Variants in PTCH2 observed in about 807,000 individuals in gnomAD.
The protein encoded by PTCH2 is patched 2.
In PTCH2, 96 loss-of-function variants were observed where a neutral mutation model predicts 117.9. That is an observed-to-expected ratio of 0.81 (90% CI 0.69 to 0.96). PTCH2 has a LOEUF of 0.96. PTCH2 is among the 50% of genes least tolerant of loss of function. PTCH2 has a pLI of 0.00. For missense variants in PTCH2, 1,379 were observed against 1,562.5 expected (o/e 0.88, Z 1.98); for synonymous variants, 615 against 660.9 (o/e 0.93, Z 1.06).
intron 2 of PTCH2, among the ~76,000 whole-genome samples, chr1:44,839,209 C>T (rs1653823962): frequency 6.6e-6 from 1 of 151,902 alleles, no homozygotes; most frequent in South Asian, 2.1e-4. Context: ...CCTGTTTCTA[C>T]TAAAAATACA....
At chr1:44,834,323 C>G (rs1653590558) in intron 2 of PTCH2, among the ~76,000 whole-genome samples, 1 of 152,012 alleles carries the variant, frequency 6.6e-6, no homozygotes, top group South Asian at 2.1e-4. Flanking sequence ...GGGTTTCACC[C>G]TGTTCGCCAG....
rs111283762 is a variant in PTCH2, at chr1:44,832,161, A to T, written c.446T>A (p.Leu149His). The T allele has an allele frequency of 1.1e-5, 18 of 1,614,004 alleles. No homozygotes were observed. In the African/African-American group the frequency reaches 2.3e-4, roughly 20 times the overall value. ...GCTCAGCCAGACTCACTTCCCATAG[A>T]GTGATACTTGGACTTTACTGGCAGT... ...ALTASKVQVSLYGKSWDLNKI... is the reference protein window; with the variant it reads ...ALTASKVQVSHYGKSWDLNKI... The change falls in exon 3 of 22, where the codon CTC becomes CAC. Residue 149 changes from leucine (L) to histidine (H), a missense_variant. By Grantham distance (99) the Leu-to-His change is moderately conservative (BLOSUM62 -3). Coordinates refer to ENST00000372192, the MANE Select transcript of PTCH2 (RefSeq NM_003738.5).
downstream of PTCH2, among the ~76,000 whole-genome samples, chr1:44,821,222 C>T (rs996086259): frequency 4.6e-5 from 7 of 152,260 alleles, no homozygotes; most frequent in Non-Finnish European, 8.8e-5. Flanking sequence ...GCTCTGTGCT[C>T]TATTCCAGGG....
rs561823980 is a variant in PTCH2 at position 44,829,681 on chromosome 1, T to C, written c.1016A>G (p.His339Arg). 1.8e-5 allele frequency: 29 copies of C among 1,614,200 alleles called. No homozygotes were observed. The East Asian group carries it at 4.5e-4, about 25-fold the overall frequency. The change falls in exon 8 of 22, where the codon CAT becomes CGT. Residue 339 changes from histidine to arginine, a missense_variant. His to Arg is a conservative substitution (Grantham distance 29). Coordinates refer to ENST00000372192, the MANE Select transcript of PTCH2 (RefSeq NM_003738.5). The stretch of plus-strand genomic sequence containing the variant: ...CTGCTCCTCACTCCAGCCAATGTCA[T>C]GTGTCTGATAGTCACCCCGGAAATG... ...YEHFRGDYQT[H>R]DIGWSEEQAS...
Position 44,843,237 on chromosome 1 carries a change from C to T in PTCH2, c.-305G>A, listed in dbSNP as rs890619824. ...TGCTGGCCCGAGACGCACAGCAGGG[C>T]TCGAGGTGGCAACTGCAGTCCCCGG... On this transcript the variant is annotated 5_prime_UTR_variant, in exon 1 of 22. Coordinates refer to ENST00000372192, the MANE Select transcript of PTCH2 (RefSeq NM_003738.5). The T allele has an allele frequency of 1.0e-6, 1 of 985,296 alleles. No homozygotes were observed. The highest frequency in any genetic ancestry group is 1.2e-6 in the Non-Finnish European group (1 of 829,930). The allele number at this position is 985,296 out of a possible 1,614,324, so 61.0% of individuals were successfully genotyped here.
intron 19 of PTCH2, among the ~76,000 whole-genome samples, chr1:44,825,844 C>CTTTT (rs35549385): frequency 2.5e-5 from 3 of 118,410 alleles, no homozygotes; most frequent in African/African-American, 9.7e-5. Flanking sequence ...AGCCCAAATT[C>CTTTT]TTTTTTTTTT....
Position 44,835,335 on chromosome 1 carries a change from G to T in PTCH2, c.266-2994C>A, listed in dbSNP as rs796975792. On this transcript the variant is annotated intron_variant, in intron 2 of 21. Transcript: ENST00000372192. ...GCCTCTGAAAGTGCTGGGATTACAG[G>T]CATGAGTCACTGTGCTCGGCCAAAC... 1.1e-4 allele frequency among the ~76,000 whole-genome samples: 17 copies of T among 152,318 alleles called. 1 individual carries two copies. The highest frequency in any genetic ancestry group is 4.1e-4 in the African/African-American group (17 of 41,574).
At chr1:44,833,309 A>G (rs1653539898) in intron 2 of PTCH2, among the ~76,000 whole-genome samples, 1 of 151,874 alleles carries the variant, frequency 6.6e-6, no homozygotes. Context: ...CTGATCTCAG[A>G]CCCTGCGCTG....
chr1:44,823,985 G>C lies in PTCH2; in HGVS notation c.3115-600C>G, dbSNP rs1428176202. ...ACAAACATAGGTTGGGCAAACTACA[G>C]CCTGTCACTTGTTTTGTAAATGAAA... On this transcript the variant is annotated intron_variant, in intron 19 of 21. Transcript: ENST00000372192. The surrounding 1 kb of genome is among the most constrained non-coding windows in gnomAD (Gnocchi z 5.1). 6.6e-6 allele frequency among the ~76,000 whole-genome samples: 1 copy of C among 152,184 alleles called. No homozygotes were observed. The highest frequency in any genetic ancestry group is 1.5e-5 in the Non-Finnish European group (1 of 68,050).
In PTCH2 at chr1:44,822,594, C is replaced by G; in HGVS notation, c.3433G>C (p.Ala1145Pro). 1.2e-6 allele frequency: 2 copies of G among 1,613,922 alleles called. No individual in the cohort carries two copies. The highest frequency in any genetic ancestry group is 1.7e-6 in the Non-Finnish European group (2 of 1,179,906). ...AAGCTCTGGGGCAGGGAGGAGGATGCCCCCCACCTAAGCCCGCCTCCCTGT... is the reference window on the plus strand; with the variant it reads ...AAGCTCTGGGGCAGGGAGGAGGATGGCCCCCACCTAAGCCCGCCTCCCTGT... ...APQGGGLRWG[A>P]SSSLPQSFAR... The change falls in exon 22 of 22, where the codon GCA (alanine) becomes CCA (proline). Residue 1145 changes from alanine (A) to proline (P), a missense_variant. Coordinates refer to ENST00000372192, the MANE Select transcript of PTCH2 (RefSeq NM_003738.5).
At chr1:44,837,921 A>AT (rs1019830908) in intron 2 of PTCH2, among the ~76,000 whole-genome samples, 4 of 151,978 alleles carry the variant, frequency 2.6e-5, no homozygotes, top group African/African-American at 9.7e-5. Flanking sequence ...TACTAAAAAA[A>AT]ATACAAAAAA....
intron 1 of PTCH2, among the ~76,000 whole-genome samples, chr1:44,842,348 C>T (rs961789222): frequency 7.0e-6 from 1 of 143,666 alleles, no homozygotes; most frequent in African/African-American, 2.6e-5. Flanking sequence ...GGTGTGATCT[C>T]GGCTGACTGC....
rs1004014329 is a variant in PTCH2 at position 44,825,115 on chromosome 1, T to C, written c.3114+1135A>G. Among the ~76,000 whole-genome samples, 3 of 152,274 alleles carry C rather than the reference T, an allele frequency of 2.0e-5. No homozygotes were observed. The South Asian group carries it at 6.2e-4, about 32-fold the overall frequency. ...ATGGCTGCTTATTTATTTGTCTACT[T>C]ATTTACTGTCTATCTCTCTCTTCTT... On this transcript the variant is annotated intron_variant, in intron 19 of 21. Coordinates refer to ENST00000372192, the MANE Select transcript of PTCH2 (RefSeq NM_003738.5).
chr1:44,837,844 C>G (rs1373833293), intron 2 of PTCH2, among the ~76,000 whole-genome samples: 3 of 151,396 alleles, frequency 2.0e-5, no homozygotes, highest in Admixed American at 1.3e-4. Flanking sequence ...TTTGGGAGGC[C>G]GAGGCGGGCG....
Position 44,822,029 on chromosome 1 carries a change from A to G in PTCH2, c.*386T>C, listed in dbSNP as rs1652930521. 2.3e-6 allele frequency: 3 copies of G among 1,317,392 alleles called. No individual in the cohort carries two copies. The East Asian group carries it at 1.3e-4, about 56-fold the overall frequency. 81.6% of individuals were successfully genotyped at this position (1,317,392 alleles called of 1,614,324 possible). On this transcript the variant is annotated 3_prime_UTR_variant, in exon 22 of 22. Coordinates refer to ENST00000372192, the MANE Select transcript of PTCH2 (RefSeq NM_003738.5). ...ATACTACAAAAATAGACATTTTCAT[A>G]TAAATAATGGATGTGGTAGGAGGTG...
Position 44,831,595 on chromosome 1 carries a change from G to A in PTCH2, c.617+111C>T. On this transcript the variant is annotated intron_variant, in intron 5 of 21. Transcript: ENST00000372192. This position sits in a 1 kb window ranked among gnomAD's most constrained non-coding sequence, Gnocchi z 4.3. ...CATGCTCTCTGTTCCTGGCCTGGGA[G>A]GTAATTAGGACCTTGGTAAGGTTTT... is the stretch of plus-strand genomic sequence containing the variant. The A allele has an allele frequency of 9.3e-7, 1 of 1,069,932 alleles. No individual in the cohort carries two copies. The highest frequency in any genetic ancestry group is 1.4e-6 in the Non-Finnish European group (1 of 713,592). The allele number at this position is 1,069,932 out of a possible 1,614,324, so 66.3% of individuals were successfully genotyped here.
intron 1 of PTCH2, among the ~76,000 whole-genome samples, chr1:44,842,272 T>TC (rs1653982006): frequency 7.9e-6 from 1 of 126,030 alleles, no homozygotes; most frequent in Non-Finnish European, 1.7e-5. Flanking sequence ...TTGTTTTCTC[T>TC]CCTTTTTTTT....
At chr1:44,829,807 C>T in intron 7 of PTCH2, 46 bp from the exon 8 acceptor site, 1 of 1,614,130 alleles carries the variant, frequency 6.2e-7, no homozygotes, top group Middle Eastern at 1.7e-4. Context: ...GGCCCAAACA[C>T]CTGGTGAGGG....
chr1:44,820,629 C>T, downstream of PTCH2: 1 of 703,340 alleles, frequency 1.4e-6, no homozygotes, highest in Non-Finnish European at 2.7e-6. Flanking sequence ...CCAATTCAGC[C>T]TGTCCAGACA....
Sources: allele counts gnomAD v4.1 joint callset (sites outside exome capture counted in the v4.1 genomes callset), GRCh38; gene constraint gnomAD v4.1.1; non-coding constraint Gnocchi (gnomAD v3.1); transcripts MANE v1.5; gene names NCBI Gene and HGNC (gene_info 2026-07-23, HGNC 2026-07-21).